The following ADSS1 variants were observed in gnomAD, a reference collection of about 807,000 sequenced individuals.
ADSS1 encodes the protein adenylosuccinate synthetase isozyme 1.
ADSS1 carries 57 observed loss-of-function variants against 59.1 expected under a neutral mutation model. The observed-to-expected ratio is 0.97, with a 90% CI of 0.78 to 1.20. ADSS1 has a LOEUF of 1.20. ADSS1 is among the 50% of genes most tolerant of loss of function. The pLI is 0.00. For synonymous variants in ADSS1, 247 were observed against 249.4 expected, an observed-to-expected ratio of 0.99 and a Z score of 0.09; for missense variants, 603 against 610.3, an observed-to-expected ratio of 0.99 and a Z score of 0.13.
chr14:104,726,837 G>T (rs1454431405), intron 1 of ADSS1, among the ~76,000 whole-genome samples: 3 of 152,322 alleles, frequency 2.0e-5, no homozygotes, highest in African/African-American at 7.2e-5. Context: ...CTGCCAGGAG[G>T]GCTGAAGCTG....
intron 1 of ADSS1, among the ~76,000 whole-genome samples, chr14:104,729,235 G>A (rs1019215714): frequency 3.9e-5 from 6 of 152,302 alleles, no homozygotes; most frequent in South Asian, 4.1e-4. Flanking sequence ...AGTGGAGGGG[G>A]CCCTGGCAGG....
Position 104,739,795 on chromosome 14 carries a change from G to A in ADSS1, c.455G>A (p.Arg152His), listed in dbSNP as rs775866496. The stretch of plus-strand genomic sequence containing the variant: ...GTCGACGGACTTCAGGAAGTGCAGC[G>A]CCAGGCACAAGAGGGGAAGAAGTAA... ...QAVDGLQEVQ[R>H]QAQEGKNIGT... The change falls in exon 5 of 13, where the codon CGC becomes CAC. Residue 152 changes from arginine (R) to histidine (H), a missense_variant. Transcript: ENST00000330877. The A allele has an allele frequency of 9.9e-6, 16 of 1,613,762 alleles. No individual in the cohort carries two copies. Among genetic ancestry groups the A allele is most frequent in the Admixed American group, 6.7e-5 (4 of 59,982 alleles).
rs759344791 is a variant in ADSS1 at position 104,740,701 on chromosome 14, T to C, written c.577T>C (p.Ser193Pro). The C allele has an allele frequency of 6.2e-7, 1 of 1,613,958 alleles. No individual in the cohort carries two copies. Among genetic ancestry groups the C allele is most frequent in the Non-Finnish European group, 8.5e-7 (1 of 1,179,988 alleles). The change falls in exon 6 of 13, where the codon TCC becomes CCC. Residue 193 changes from serine (S) to proline (P), a missense_variant. Physicochemically the swap from Ser to Pro is moderately conservative, Grantham distance 74. Coordinates refer to ENST00000330877, the MANE Select transcript of ADSS1 (RefSeq NM_152328.5). This position sits in a 1 kb window ranked among gnomAD's most constrained non-coding sequence, Gnocchi z 4.8. ...CDLLSDFDEFSSRFKNLAHQH... is the reference protein window; with the variant it reads ...CDLLSDFDEFPSRFKNLAHQH... The stretch of plus-strand genomic sequence containing the variant: ...CCTCCTGTCAGATTTTGATGAGTTT[T>C]CCTCCAGGTACCTGAGCCGTCTGCA...
At position 104,739,572 on chromosome 14, in the gene ADSS1, T is replaced by A. The variant is rs1441573420; in HGVS notation, c.410-178T>A. On this transcript the variant is annotated intron_variant, in intron 4 of 12. Coordinates refer to ENST00000330877, the MANE Select transcript of ADSS1 (RefSeq NM_152328.5). ...CTGGGTCAGGGGTCACTAGCCCATT[T>A]GCAGGTGGGGAGACTGAGCCCCAGA... 1.1e-5 allele frequency: 10 copies of A among 895,850 alleles called. No homozygotes were observed. The Middle Eastern group carries it at 1.1e-3, about 94-fold the overall frequency. The allele number at this position is 895,850 out of a possible 1,614,324, so 55.5% of individuals were successfully genotyped here. A position where few individuals can be genotyped will look rare whatever the true frequency, so the allele number is the denominator to read the frequency against.
chr14:104,735,303 C>G (rs185034782), intron 2 of ADSS1, among the ~76,000 whole-genome samples, 181 bp downstream of exon 2: 1 of 152,236 alleles, frequency 6.6e-6, no homozygotes, highest in Non-Finnish European at 1.5e-5. Flanking sequence ...TAGCCCGGGC[C>G]TGGGCTGGGA....
Position 104,730,593 on chromosome 14 carries a change from T to G in ADSS1, c.193-4427T>G, listed in dbSNP as rs551760190. ...TGATATGGAGAGAGGTGTAGAGAGATATTTACTTATAAATATATGTACATA... is the reference window on the plus strand; with the variant it reads ...TGATATGGAGAGAGGTGTAGAGAGAGATTTACTTATAAATATATGTACATA... On this transcript the variant is annotated intron_variant, in intron 1 of 12. Transcript: ENST00000330877. Among the ~76,000 whole-genome samples, 8 of 152,182 alleles carry G rather than the reference T, an allele frequency of 5.3e-5. No homozygotes were observed. In the East Asian group the frequency reaches 7.7e-4, roughly 15 times the overall value.
chr14:104,743,391 A>G (rs1891444822), intron 10 of ADSS1, 200 bp downstream of exon 10: 2 of 706,812 alleles, frequency 2.8e-6, no homozygotes, highest in South Asian at 1.9e-5. Flanking sequence ...AGCCAGCCGT[A>G]GGAGCACAAA....
chr14:104,746,028 G>A (rs900527218), intron 11 of ADSS1: 8 of 555,296 alleles, frequency 1.4e-5, no homozygotes, highest in African/African-American at 1.9e-5. Flanking sequence ...TCTGGAAGGC[G>A]TGTAGTGTCT....
At chr14:104,742,455 A>G (rs1255906984) in intron 9 of ADSS1, among the ~76,000 whole-genome samples, 1 of 151,946 alleles carries the variant, frequency 6.6e-6, no homozygotes. Context: ...AACCCCCACA[A>G]CCCTGCCCAG....
At chr14:104,738,298 A>C in intron 2 of ADSS1, 78 bp from the exon 3 acceptor site, 1 of 1,515,078 alleles carries the variant, frequency 6.6e-7, no homozygotes, top group Non-Finnish European at 9.1e-7. Flanking sequence ...GCACCCACCC[A>C]TTTCATGCTG....
intron 4 of ADSS1, 148 bp from the exon 5 acceptor site, chr14:104,739,602 C>A: frequency 1.0e-6 from 1 of 977,536 alleles, no homozygotes; most frequent in Non-Finnish European, 1.5e-6. Context: ...CCCAGACACT[C>A]ATGGTCACAC....
chr14:104,739,504 T>C, intron 4 of ADSS1, 126 bp downstream of exon 4: 2 of 1,149,330 alleles, frequency 1.7e-6, no homozygotes, highest in South Asian at 1.4e-5. Flanking sequence ...CATGGCTCCA[T>C]TAGCTTGTAC....
At chr14:104,744,178 T>A (rs1891473649) in intron 10 of ADSS1, among the ~76,000 whole-genome samples, 1 of 149,202 alleles carries the variant, frequency 6.7e-6, no homozygotes. Context: ...GGCTGTGCTG[T>A]GGGGAAAGTG....
chr14:104,740,762 G>A lies in ADSS1; in HGVS notation c.584+54G>A. On this transcript the variant is annotated intron_variant, in intron 6 of 12. Coordinates refer to ENST00000330877, the MANE Select transcript of ADSS1 (RefSeq NM_152328.5). The surrounding 1 kb of genome is among the most constrained non-coding windows in gnomAD (Gnocchi z 4.8). ...AGGATGGGGAGAAGTTGCCGGAAGG[G>A]ACTGTGGCTAGTGGGGAGGGCCCTG... The A allele has an allele frequency of 6.2e-7, 1 of 1,612,988 alleles. No individual in the cohort carries two copies. The highest frequency in any genetic ancestry group is 8.5e-7 in the Non-Finnish European group (1 of 1,179,114).
intron 12 of ADSS1, among the ~76,000 whole-genome samples, 169 bp downstream of exon 12, chr14:104,746,554 G>A (rs898139663): frequency 2.6e-4 from 39 of 152,328 alleles, no homozygotes; most frequent in African/African-American, 8.4e-4. Flanking sequence ...GTGTGGCTCC[G>A]GGCTAGGGTG....
chr14:104,728,970 C>G (rs1476518886), intron 1 of ADSS1, among the ~76,000 whole-genome samples: 1 of 152,200 alleles, frequency 6.6e-6, no homozygotes, highest in Non-Finnish European at 1.5e-5. Flanking sequence ...AGTGCAGTGG[C>G]GTTGAGGCAC....
chr14:104,724,355 A>C lies in ADSS1; in HGVS notation c.85A>C (p.Thr29Pro). ...RGRLQQEAAATGSRVTVVLGA... is the reference protein window; with the variant it reads ...RGRLQQEAAAPGSRVTVVLGA... ...GCGGCTGCAGCAGGAGGCGGCGGCG[A>C]CCGGCTCCCGCGTGACGGTGGTGCT... The change falls in exon 1 of 13, where the codon ACC becomes CCC. Residue 29 changes from threonine to proline, a missense_variant. Physicochemically the swap from Thr to Pro is conservative, Grantham distance 38. Transcript: ENST00000330877. 1 of 1,246,248 alleles carries C rather than the reference A, an allele frequency of 8.0e-7. No individual in the cohort carries two copies. The highest frequency in any genetic ancestry group is 1.0e-6 in the Non-Finnish European group (1 of 990,454). 77.2% of individuals were successfully genotyped at this position (1,246,248 alleles called of 1,614,324 possible).
At chr14:104,742,446 A>C (rs961482420) in intron 9 of ADSS1, among the ~76,000 whole-genome samples, 3 of 152,130 alleles carry the variant, frequency 2.0e-5, no homozygotes, top group African/African-American at 7.2e-5. Flanking sequence ...CTGAAAGCCA[A>C]CCCCCACAAC....
In ADSS1 at chr14:104,740,998, A is replaced by G; in HGVS notation, c.666+78A>G. Reference sequence around the variant, plus strand: ...TGGATGTCCTACCTGGTGCTCGTTGAACACCCTTGGGGCACACCTGATACT... The same window carrying G: ...TGGATGTCCTACCTGGTGCTCGTTGGACACCCTTGGGGCACACCTGATACT... On this transcript the variant is annotated intron_variant, in intron 7 of 12. Transcript: ENST00000330877. This position sits in a 1 kb window ranked among gnomAD's most constrained non-coding sequence, Gnocchi z 4.8. 1 of 1,609,926 alleles carries G rather than the reference A, an allele frequency of 6.2e-7. No individual in the cohort carries two copies. Among genetic ancestry groups the G allele is most frequent in the Non-Finnish European group, 8.5e-7 (1 of 1,177,348 alleles).
Sources: gnomAD v4.1 joint callset for allele counts (sites outside exome capture counted in the v4.1 genomes callset) on GRCh38, gnomAD v4.1.1 for gene constraint, Gnocchi (gnomAD v3.1) non-coding constraint, MANE v1.5 for transcripts, NCBI Gene and HGNC (gene_info 2026-07-23, HGNC 2026-07-21) for gene names.